CCDC149: variants seen among roughly 807,000 people sequenced by gnomAD.
CCDC149 encodes the protein coiled-coil domain-containing protein 149.
A neutral mutation model predicts 59.9 loss-of-function variants in CCDC149; 45 were observed. The ratio of observed to expected loss-of-function variants is 0.75; its 90% CI spans 0.59 to 0.96. The LOEUF (loss-of-function observed/expected upper bound fraction) is 0.96, where lower values mean the gene tolerates loss of function less well. Among genes scored for constraint, CCDC149 ranks in the 40% least tolerant of loss-of-function variants. CCDC149 has a pLI of 0.00. For synonymous variants in CCDC149, 245 were observed against 260.6 expected, an observed-to-expected ratio of 0.94 and a Z score of 0.58; for missense variants, 584 against 664.7, an observed-to-expected ratio of 0.88 and a Z score of 1.33.
At chr4:24,901,755 A>G (rs1284892812) in intron 1 of CCDC149, among the ~76,000 whole-genome samples, 2 of 152,044 alleles carry the variant, frequency 1.3e-5, no homozygotes, top group Non-Finnish European at 2.9e-5. Flanking sequence ...CACCAAACTC[A>G]TATCTCCTAA....
At position 24,837,474 on chromosome 4, in the gene CCDC149, C is replaced by T; in HGVS notation, c.490-74G>A. On this transcript the variant is annotated intron_variant, in intron 5 of 12. Coordinates refer to ENST00000635206, the MANE Select transcript of CCDC149 (RefSeq NM_001330643.2). The surrounding 1 kb of genome is among the most constrained non-coding windows in gnomAD (Gnocchi z 4.3). Reference sequence around the variant, plus strand: ...CTTTATGGCCAGAGATGGAGCCTCCCACTTGGTTGACTGATTTTTAGAGAG... The same window carrying T: ...CTTTATGGCCAGAGATGGAGCCTCCTACTTGGTTGACTGATTTTTAGAGAG... 3 of 1,461,940 alleles carry T rather than the reference C, an allele frequency of 2.1e-6. No individual in the cohort carries two copies. Among genetic ancestry groups the T allele is most frequent in the Admixed American group, 1.8e-5 (1 of 54,250 alleles). 90.6% of individuals were successfully genotyped at this position (1,461,940 alleles called of 1,614,324 possible). A position where few individuals can be genotyped will look rare whatever the true frequency, so the allele number is the denominator to read the frequency against.
At chr4:24,813,505 TATATATATATATA>T (rs1714789391) in intron 12 of CCDC149, among the ~76,000 whole-genome samples, 1 of 142,230 alleles carries the variant, frequency 7.0e-6, no homozygotes, top group Non-Finnish European at 1.5e-5. Flanking sequence ...TATATATATA[TATATATATATATA>T]TATATATATA....
chr4:24,962,590 G>A (rs1723666850), intron 1 of CCDC149, among the ~76,000 whole-genome samples: 1 of 152,150 alleles, frequency 6.6e-6, no homozygotes, highest in Admixed American at 6.5e-5. Flanking sequence ...GTAGGGACAT[G>A]GATGAAGCTG....
chr4:24,864,854 G>A (rs191077980), intron 3 of CCDC149, among the ~76,000 whole-genome samples: 1 of 152,216 alleles, frequency 6.6e-6, no homozygotes, highest in East Asian at 1.9e-4. Flanking sequence ...AGTATTCACA[G>A]AATGTAAAAC....
At chr4:24,816,998 G>A (rs947787184) in intron 12 of CCDC149, among the ~76,000 whole-genome samples, 11 of 152,154 alleles carry the variant, frequency 7.2e-5, no homozygotes, top group African/African-American at 1.9e-4. Context: ...CATCCCGGAC[G>A]CTGACAGCCA....
intron 1 of CCDC149, among the ~76,000 whole-genome samples, chr4:24,931,829 GTATATATA>G (rs57205804): frequency 0.25 from 19,192 of 77,002 alleles, 2,200 homozygotes; most frequent in South Asian, 0.34. Flanking sequence ...TGGAGAGTAT[GTATATATA>G]TATATATATA....
Position 24,819,850 on chromosome 4 carries a change from C to T in CCDC149, c.1192+9G>A, listed in dbSNP as rs73101575. 3,427 of 1,542,652 alleles carry T rather than the reference C, an allele frequency of 2.2e-3. 59 individuals are homozygous for T. In the African/African-American group the frequency reaches 0.041, roughly 18 times the overall value. ...CCAGGTAAAGATGGAGAAATCGAGG[C>T]GTGCTTACCATCCTTGGGATCTGCT... On this transcript the variant is annotated intron_variant, in intron 12 of 12. Transcript: ENST00000635206.
chr4:24,882,095 G>A (rs1719875565), intron 1 of CCDC149, among the ~76,000 whole-genome samples: 1 of 152,102 alleles, frequency 6.6e-6, no homozygotes, highest in African/African-American at 2.4e-5. Context: ...CTACTTTTCT[G>A]GACCTAGAAC....
chr4:24,875,109 C>T (rs1172552686), intron 2 of CCDC149, among the ~76,000 whole-genome samples: 1 of 152,126 alleles, frequency 6.6e-6, no homozygotes, highest in Admixed American at 6.5e-5. Flanking sequence ...GAGATTGAGA[C>T]CATCCTGGCT....
intron 4 of CCDC149, among the ~76,000 whole-genome samples, chr4:24,841,857 G>A (rs1183610299): frequency 6.6e-6 from 1 of 152,196 alleles, no homozygotes; most frequent in Non-Finnish European, 1.5e-5. Context: ...ACTCAGGGGA[G>A]TTCAAATAGT....
At chr4:24,961,553 C>G (rs1308570905) in intron 1 of CCDC149, among the ~76,000 whole-genome samples, 1 of 152,204 alleles carries the variant, frequency 6.6e-6, no homozygotes, top group African/African-American at 2.4e-5. Context: ...TACCTGACTT[C>G]AAGCTGCACT....
At chr4:24,920,912 T>C (rs1175892988) in intron 1 of CCDC149, among the ~76,000 whole-genome samples, 1 of 152,162 alleles carries the variant, frequency 6.6e-6, no homozygotes, top group African/African-American at 2.4e-5. Flanking sequence ...AAAGAAATTG[T>C]CACTGAGGAA....
At chr4:24,842,533 C>A (rs1717000700) in intron 4 of CCDC149, among the ~76,000 whole-genome samples, 1 of 152,190 alleles carries the variant, frequency 6.6e-6, no homozygotes, top group South Asian at 2.1e-4. Flanking sequence ...GTGCCTTGCA[C>A]AGCACCCGCG....
chr4:24,808,675 G>C lies in CCDC149; in HGVS notation c.1337C>G (p.Pro446Arg). 6.4e-7 allele frequency: 1 copy of C among 1,552,390 alleles called. No individual in the cohort carries two copies. The highest frequency in any genetic ancestry group is 8.7e-7 in the Non-Finnish European group (1 of 1,147,134). ...TACTTCTTCCTCAGAAGGTAACTGG[G>C]GTAATGAAGGATGAAAGAGCTTGCA... is the stretch of plus-strand genomic sequence containing the variant. The change falls in exon 13 of 13, where the codon CCC becomes CGC. Residue 446 changes from proline to arginine, a missense_variant. Physicochemically the swap from Pro to Arg is moderately radical, Grantham distance 103. Transcript: ENST00000635206.
At chr4:24,957,371 T>C (rs1723495123) in intron 1 of CCDC149, among the ~76,000 whole-genome samples, 1 of 152,190 alleles carries the variant, frequency 6.6e-6, no homozygotes, top group South Asian at 2.1e-4. Flanking sequence ...CATGTATAAC[T>C]TTATGAGAGG....
chr4:24,955,813 TA>T (rs1263068674), intron 1 of CCDC149, among the ~76,000 whole-genome samples: 5 of 152,202 alleles, frequency 3.3e-5, no homozygotes, highest in Non-Finnish European at 5.9e-5. Context: ...GCAATGGTAT[TA>T]AAAAATATTA....
chr4:24,936,997 C>T (rs1323128972), intron 1 of CCDC149, among the ~76,000 whole-genome samples: 1 of 152,148 alleles, frequency 6.6e-6, no homozygotes, highest in Non-Finnish European at 1.5e-5. Flanking sequence ...GTGGGCCGTG[C>T]CCATGGCTGA....
Position 24,931,310 on chromosome 4 carries a change from AAT to A in CCDC149, c.-64-36194_-64-36193del, listed in dbSNP as rs71187200. 6.4e-4 allele frequency among the ~76,000 whole-genome samples: 89 copies of A among 138,180 alleles called. 2 individuals carry two copies. The Middle Eastern group carries it at 0.011, about 18-fold the overall frequency. The allele number at this position is 138,180 out of a possible 152,430, so 90.7% of individuals were successfully genotyped here. ...ATTTATATATGTTTATTTATTTTAA[AAT>A]ATATATATATATATATATATCTCAG... On this transcript the variant is annotated intron_variant, in intron 1 of 12. Transcript: ENST00000389609.
chr4:24,841,558 A>G (rs1205702985), intron 4 of CCDC149, among the ~76,000 whole-genome samples: 1 of 152,232 alleles, frequency 6.6e-6, no homozygotes, highest in Non-Finnish European at 1.5e-5. Flanking sequence ...TAGCTGGATC[A>G]TTAGTTGTGT....
Sources: allele counts gnomAD v4.1 joint callset (sites outside exome capture counted in the v4.1 genomes callset), GRCh38; gene constraint gnomAD v4.1.1; non-coding constraint Gnocchi (gnomAD v3.1); transcripts MANE v1.5; gene names NCBI Gene and HGNC (gene_info 2026-07-23, HGNC 2026-07-21).